Variants in DNAH11 observed in about 807,000 individuals in gnomAD.
DNAH11 encodes axonemal beta dynein heavy chain 11.
A neutral mutation model predicts 526.0 loss-of-function variants in DNAH11; 442 were observed. The ratio of observed to expected loss-of-function variants is 0.84; its 90% CI spans 0.78 to 0.91. DNAH11 has a LOEUF of 0.91. DNAH11 is among the 40% of genes least tolerant of loss of function. The pLI is 0.00. For missense variants in DNAH11, 6,989 were observed against 5,448.7 expected (o/e 1.28, Z -8.90); for synonymous variants, 2,461 against 1,935.9 (o/e 1.27, Z -7.12).
At chr7:21,755,970 G>A (rs1215320288) in intron 54 of DNAH11, among the ~76,000 whole-genome samples, 17 of 151,946 alleles carry the variant, frequency 1.1e-4, no homozygotes, top group African/African-American at 3.6e-4. Flanking sequence ...TTATTTATAT[G>A]TCCAGAATGT....
chr7:21,890,952 T>C (rs561244077), intron 76 of DNAH11, among the ~76,000 whole-genome samples: 2 of 152,286 alleles, frequency 1.3e-5, no homozygotes, highest in African/African-American at 4.8e-5. Context: ...GTGTCGAATG[T>C]TTTAAATGCA....
rs188662543 is a variant in DNAH11 at position 21,725,232 on chromosome 7, G to A, written c.7267-579G>A. Among the ~76,000 whole-genome samples, 10 of 152,220 alleles carry A rather than the reference G, an allele frequency of 6.6e-5. No individual in the cohort carries two copies. The East Asian group carries it at 1.4e-3, about 21-fold the overall frequency. On this transcript the variant is annotated intron_variant, in intron 44 of 81. Transcript: ENST00000409508. ...GTCTGGTGGGAAACCAAGCCCATGC[G>A]TTTATCCATTCCTCCATCTCTCATG...
chr7:21,858,743 C>A (rs1446267055), intron 68 of DNAH11, among the ~76,000 whole-genome samples: 1 of 152,126 alleles, frequency 6.6e-6, no homozygotes, highest in Non-Finnish European at 1.5e-5. Flanking sequence ...TGTAAATAGG[C>A]ACATGAGAAC....
At chr7:21,824,095 T>C (rs1300518724) in intron 65 of DNAH11, among the ~76,000 whole-genome samples, 1 of 152,186 alleles carries the variant, frequency 6.6e-6, no homozygotes, top group South Asian at 2.1e-4. Flanking sequence ...GAGAAAACTT[T>C]CCTTTTCTAG....
chr7:21,687,333 C>T (rs370671417), intron 33 of DNAH11, 49 bp from the exon 34 acceptor site: 13 of 1,575,258 alleles, frequency 8.3e-6, no homozygotes, highest in Middle Eastern at 1.7e-4. Flanking sequence ...AATATAATAG[C>T]GTAAAAACCC....
chr7:21,607,936 C>CAAAAAA (rs34293535), intron 20 of DNAH11, among the ~76,000 whole-genome samples: 2 of 68,642 alleles, frequency 2.9e-5, no homozygotes, highest in East Asian at 5.0e-4. Flanking sequence ...GACTTCATCT[C>CAAAAAA]AAAAAAAAAA....
chr7:21,744,148 T>C (rs1786040688), intron 49 of DNAH11, among the ~76,000 whole-genome samples: 1 of 152,210 alleles, frequency 6.6e-6, no homozygotes, highest in African/African-American at 2.4e-5. Context: ...ACTTAGTCCA[T>C]TGTAAGGCTT....
intron 66 of DNAH11, among the ~76,000 whole-genome samples, chr7:21,847,181 A>G (rs1172561365): frequency 6.6e-6 from 1 of 152,092 alleles, no homozygotes; most frequent in African/African-American, 2.4e-5. Flanking sequence ...TTAAAATGTT[A>G]CTGACTTCTG....
Position 21,558,842 on chromosome 7 carries a change from C to T in DNAH11, c.536C>T (p.Ser179Phe). 2 of 1,607,454 alleles carry T rather than the reference C, an allele frequency of 1.2e-6. No homozygotes were observed. Among genetic ancestry groups the T allele is most frequent in the Non-Finnish European group, 1.7e-6 (2 of 1,177,118 alleles). The change falls in exon 3 of 82, where the codon TCC becomes TTC. Residue 179 changes from serine (S) to phenylalanine (F), a missense_variant. Coordinates refer to ENST00000409508, the MANE Select transcript of DNAH11 (RefSeq NM_001277115.2). ...CTTTCTAATAAGAACAACCATAAGT[C>T]CTGGTCCTGTTTTACTTCACAAGAT... ...PVLSNKNNHK[S>F]WSCFTSQDME... is the part of the protein sequence containing the mutation.
chr7:21,852,525 A>G lies in DNAH11; in HGVS notation c.10955A>G (p.Asp3652Gly). The G allele has an allele frequency of 1.2e-6, 2 of 1,613,758 alleles. No homozygotes were observed. Among genetic ancestry groups the G allele is most frequent in the South Asian group, 1.1e-5 (1 of 91,038 alleles). Residue 3652 changes from aspartate (D) to glycine (G), a missense_variant, in exon 67 of 82, where the codon GAT becomes GGT. By Grantham distance (94) the Asp-to-Gly change is moderately conservative. Transcript: ENST00000409508. The stretch of plus-strand genomic sequence containing the variant: ...ATTGAGCTCAAGTATCTGGAAGACG[A>G]TCTCCTTTTGCGCCTTTCTGCGGCA... ...FKIELKYLEDDLLLRLSAAEG... is the reference protein window; with the variant it reads ...FKIELKYLEDGLLLRLSAAEG...
intron 28 of DNAH11, among the ~76,000 whole-genome samples, chr7:21,640,427 C>T (rs1182403692): frequency 6.6e-6 from 1 of 152,032 alleles, no homozygotes; most frequent in Non-Finnish European, 1.5e-5. Flanking sequence ...CTTTTCAAAT[C>T]TGAAATGCTT....
chr7:21,894,890 T>C lies in DNAH11; in HGVS notation c.12940T>C (p.Leu4314=). ...CTTTTTTTCTCCATGCAAGGGGGAA[T>C]TGGCATTATCTCCTGCTGTGGAAGC... is the stretch of plus-strand genomic sequence containing the variant. ...EQLDLSLKGE[L]ALSPAVEAQQ... is the part of the protein sequence containing the mutation. Residue 4314 remains leucine (L), a synonymous_variant, in exon 79 of 82, where the codon TTG becomes CTG. Transcript: ENST00000409508. 1 of 1,613,926 alleles carries C rather than the reference T, an allele frequency of 6.2e-7. No individual in the cohort carries two copies. The highest frequency in any genetic ancestry group is 8.5e-7 in the Non-Finnish European group (1 of 1,179,880).
chr7:21,723,841 G>A (rs1017607698), intron 44 of DNAH11, among the ~76,000 whole-genome samples: 6 of 147,428 alleles, frequency 4.1e-5, no homozygotes, highest in Non-Finnish European at 8.9e-5. Context: ...TTCCTTAAAC[G>A]GCACTTAAAG....
intron 74 of DNAH11, among the ~76,000 whole-genome samples, chr7:21,873,796 T>TTTTTG: frequency 7.5e-6 from 1 of 132,826 alleles, no homozygotes; most frequent in Non-Finnish European, 1.6e-5. Flanking sequence ...TTTTTTTTTT[T>TTTTTG]TTTTTTTTTT....
chr7:21,658,104 C>A (rs1583569391), intron 29 of DNAH11, among the ~76,000 whole-genome samples: 1 of 151,828 alleles, frequency 6.6e-6, no homozygotes, highest in South Asian at 2.1e-4. Flanking sequence ...TACATTTGAA[C>A]AGGATGGAAA....
In DNAH11 at chr7:21,816,533, G is replaced by C. The variant is rs2214326; in HGVS notation, c.10399G>C (p.Ala3467Pro). ...GTTGACGGATGATGCTACAATTGCC[G>C]CCTGGAATAACGAAGGACTGCCCAG... is the stretch of plus-strand genomic sequence containing the variant. ...SMLTDDATIA[A>P]WNNEGLPSDR... Residue 3467 changes from alanine to proline, a missense_variant, in exon 64 of 82, where the codon GCC becomes CCC. Ala to Pro is a conservative substitution (Grantham distance 27). Transcript: ENST00000409508. The C allele has an allele frequency of 1.2e-6, 2 of 1,611,696 alleles. No homozygotes were observed. Among genetic ancestry groups the C allele is most frequent in the Non-Finnish European group, 1.7e-6 (2 of 1,179,036 alleles).
chr7:21,738,594 C>G, intron 46 of DNAH11, 107 bp from the exon 47 acceptor site: 1 of 1,208,194 alleles, frequency 8.3e-7, no homozygotes, highest in Non-Finnish European at 1.1e-6. Flanking sequence ...ATACCTGAAA[C>G]CACAGGGTGG....
intron 20 of DNAH11, among the ~76,000 whole-genome samples, chr7:21,607,160 T>C (rs948305060): frequency 2.6e-5 from 4 of 151,720 alleles, no homozygotes; most frequent in Non-Finnish European, 5.9e-5. Context: ...CCTAGCAAGC[T>C]GGTGTAGGTC....
intron 2 of DNAH11, among the ~76,000 whole-genome samples, chr7:21,552,023 G>A (rs1783042944): frequency 2.0e-5 from 3 of 152,166 alleles, no homozygotes; most frequent in African/African-American, 7.2e-5. Context: ...GCAGGGCTGT[G>A]GCAGCACTGC....
Sources: allele counts gnomAD v4.1 joint callset (sites outside exome capture counted in the v4.1 genomes callset), GRCh38; gene constraint gnomAD v4.1.1; transcripts MANE v1.5; gene names NCBI Gene and HGNC (gene_info 2026-07-23, HGNC 2026-07-21).